MICAL2: variants seen among roughly 807,000 people sequenced by gnomAD.
MICAL2 encodes microtubule associated monooxygenase, calponin and LIM domain containing 2, also known as [F-actin]-monooxygenase MICAL2.
MICAL2 carries 77 observed loss-of-function variants against 127.3 expected under a neutral mutation model. The observed-to-expected ratio is 0.60, with a 90% CI of 0.50 to 0.73. The LOEUF (loss-of-function observed/expected upper bound fraction) is 0.73, where lower values mean the gene tolerates loss of function less well. Ranked by LOEUF, MICAL2 falls within the 30% of genes least tolerant of loss-of-function variation. The probability of loss-of-function intolerance (pLI) is 0.00; values close to 1 mark genes in which losing one functional copy is unlikely to be tolerated. For synonymous variants in MICAL2, 570 were observed against 551.1 expected, an observed-to-expected ratio of 1.03 and a Z score of -0.48; for missense variants, 1,351 against 1,434.4, an observed-to-expected ratio of 0.94 and a Z score of 0.94.
chr11:12,323,433 T>TGA (rs138472124), intron 30 of MICAL2, among the ~76,000 whole-genome samples: 5 of 151,760 alleles, frequency 3.3e-5, no homozygotes, highest in African/African-American at 1.2e-4. Context: ...TTTCATGTAG[T>TGA]GAGAGAGAGA....
At chr11:12,237,481 A>C (rs555250730) in intron 16 of MICAL2, among the ~76,000 whole-genome samples, 2 of 152,264 alleles carry the variant, frequency 1.3e-5, no homozygotes, top group Admixed American at 1.3e-4. Context: ...GCTCCTGCCT[A>C]TTCCCAAGAA....
At chr11:12,299,591 C>T (rs10765940) in intron 29 of MICAL2, among the ~76,000 whole-genome samples, 65,005 of 152,062 alleles carry the variant, frequency 0.43, 14,934 homozygotes, top group East Asian at 0.67. Context: ...CTTATAGAAA[C>T]AATTTTAATG....
upstream of MICAL2, among the ~76,000 whole-genome samples, chr11:12,271,185 G>A (rs1489067782): frequency 6.6e-6 from 1 of 152,228 alleles, no homozygotes; most frequent in Non-Finnish European, 1.5e-5. Context: ...GGGCAAAGCT[G>A]CTTCGTGCCA....
intron 2 of MICAL2, among the ~76,000 whole-genome samples, chr11:12,149,885 C>T (rs1853385306): frequency 6.6e-6 from 1 of 152,118 alleles, no homozygotes; most frequent in Non-Finnish European, 1.5e-5. Context: ...GTGTTACGGT[C>T]CATGACAGTG....
chr11:12,296,390 A>G (rs1310498752), downstream of MICAL2, among the ~76,000 whole-genome samples: 3 of 151,648 alleles, frequency 2.0e-5, no homozygotes, highest in Non-Finnish European at 4.4e-5. Flanking sequence ...ATTTTCAACC[A>G]GGTTCAGGAT....
At chr11:12,225,081 C>T (rs543002669) in intron 13 of MICAL2, among the ~76,000 whole-genome samples, 1 of 142,850 alleles carries the variant, frequency 7.0e-6, no homozygotes, top group Non-Finnish European at 1.5e-5. Context: ...ACCCTTCCCC[C>T]CCGAGCCCCA....
chr11:12,359,763 G>A (rs1287284568), downstream of MICAL2, among the ~76,000 whole-genome samples: 1 of 152,190 alleles, frequency 6.6e-6, no homozygotes, highest in East Asian at 1.9e-4. Flanking sequence ...CGGATTCTTT[G>A]AAGATTTAGT....
chr11:12,349,580 G>A lies in MICAL2; in HGVS notation c.5516-258G>A, dbSNP rs60291087. ...GGGTCGTTTGTGGTGGGATGTTATCGTGGTTATGTGACCATTGGAACTGGA... is the reference window on the plus strand; with the variant it reads ...GGGTCGTTTGTGGTGGGATGTTATCATGGTTATGTGACCATTGGAACTGGA... On this transcript the variant is annotated intron_variant, in intron 32 of 34. Coordinates refer to the MICAL2 transcript ENST00000646065. Among the ~76,000 whole-genome samples, 981 of 152,246 alleles carry A rather than the reference G, an allele frequency of 6.4e-3. 11 individuals carry two copies. The highest frequency in any genetic ancestry group is 0.022 in the African/African-American group (932 of 41,540).
chr11:12,179,802 A>C (rs1178140743), intron 3 of MICAL2, among the ~76,000 whole-genome samples: 1 of 152,206 alleles, frequency 6.6e-6, no homozygotes, highest in Non-Finnish European at 1.5e-5. Flanking sequence ...ATGATAACTT[A>C]ATGCTGAGCC....
chr11:12,328,596 G>C (rs1390431004), intron 32 of MICAL2, among the ~76,000 whole-genome samples: 5 of 152,152 alleles, frequency 3.3e-5, no homozygotes, highest in Non-Finnish European at 5.9e-5. Flanking sequence ...TCCAGTAGGG[G>C]TGTGGCTCAT....
At chr11:12,256,536 GCCCCTCCCGGGC>G (rs1186880729) in intron 23 of MICAL2, 3 of 395,054 alleles carry the variant, frequency 7.6e-6, no homozygotes, top group Admixed American at 4.2e-5. Flanking sequence ...CTCGGGGAGA[GCCCCTCCCGGGC>G]CCACCTTGTT....
chr11:12,184,483 A>AAGG (rs1857908603), intron 3 of MICAL2, among the ~76,000 whole-genome samples: 1 of 152,232 alleles, frequency 6.6e-6, no homozygotes, highest in Non-Finnish European at 1.5e-5. Flanking sequence ...CGGGAGAGGT[A>AAGG]AACTAAGGAA....
chr11:12,308,383 T>C (rs1864136989), intron 29 of MICAL2, among the ~76,000 whole-genome samples: 1 of 152,244 alleles, frequency 6.6e-6, no homozygotes. Context: ...CTGTTTGGTC[T>C]TTCAATCCAT....
chr11:12,223,847 T>G (rs958314613), intron 12 of MICAL2, among the ~76,000 whole-genome samples: 1 of 152,202 alleles, frequency 6.6e-6, no homozygotes, highest in African/African-American at 2.4e-5. Flanking sequence ...ATGAGCTTAA[T>G]GCACTTCACC....
At chr11:12,155,369 G>A (rs1854053530) in intron 2 of MICAL2, among the ~76,000 whole-genome samples, 1 of 152,036 alleles carries the variant, frequency 6.6e-6, no homozygotes, top group Non-Finnish European at 1.5e-5. Flanking sequence ...ATATACATGT[G>A]TATTTGCGCA....
intron 1 of MICAL2, among the ~76,000 whole-genome samples, chr11:12,121,800 G>T (rs1050069863): frequency 1.8e-4 from 27 of 152,162 alleles, no homozygotes; most frequent in Non-Finnish European, 3.8e-4. Flanking sequence ...ATTTGAGCGG[G>T]GCTGGCACCT....
chr11:12,301,822 G>A (rs1864050382), intron 29 of MICAL2, among the ~76,000 whole-genome samples: 1 of 152,160 alleles, frequency 6.6e-6, no homozygotes, highest in African/African-American at 2.4e-5. Flanking sequence ...GGGAGACAGT[G>A]GCCCTATCCT....
upstream of MICAL2, among the ~76,000 whole-genome samples, chr11:12,274,921 C>T (rs908538826): frequency 3.3e-5 from 5 of 151,822 alleles, no homozygotes; most frequent in African/African-American, 1.2e-4. Context: ...GGGGGTGGGG[C>T]ACAGCAAGAG....
chr11:12,325,003 A>G (rs1864339146), intron 31 of MICAL2, among the ~76,000 whole-genome samples: 1 of 151,618 alleles, frequency 6.6e-6, no homozygotes, highest in South Asian at 2.1e-4. Context: ...TTCATCCCAG[A>G]TGGTTGTGAT....
Sources: allele counts gnomAD v4.1 joint callset (sites outside exome capture counted in the v4.1 genomes callset), GRCh38; gene constraint gnomAD v4.1.1; transcripts MANE v1.5; gene names NCBI Gene and HGNC (gene_info 2026-07-23, HGNC 2026-07-21).